The following GRIA3 variants were observed in gnomAD, a reference collection of about 807,000 sequenced individuals.
GRIA3 encodes glutamate receptor 3.
In GRIA3, 3 loss-of-function variants were observed where a neutral mutation model predicts 63.0. The observed-to-expected ratio is 0.05, with a 90% confidence interval of 0.02 to 0.12. The LOEUF (loss-of-function observed/expected upper bound fraction) is 0.12. GRIA3 is among the 10% of genes least tolerant of loss of function. The pLI is 1.00. For synonymous variants in GRIA3, 274 were observed against 257.9 expected, an observed-to-expected ratio of 1.06 and a Z score of -0.60; for missense variants, 347 against 700.9, an observed-to-expected ratio of 0.50 and a Z score of 5.70.
intron 5 of GRIA3, among the ~76,000 whole-genome samples, chrX:123,374,552 T>A (rs1196648612): frequency 1.8e-5 from 2 of 112,063 alleles, no homozygotes; most frequent in Non-Finnish European, 3.8e-5. Context: ...TTTGTAGTTC[T>A]CCTTGAAGAG....
intron 13 of GRIA3, among the ~76,000 whole-genome samples, chrX:123,468,963 G>A (rs1315148570): frequency 8.9e-6 from 1 of 112,425 alleles, no homozygotes; most frequent in East Asian, 2.8e-4. Flanking sequence ...CCTATCCAAT[G>A]AGCAATGTGA....
Position 123,207,305 on chromosome X carries a change from G to T in GRIA3, c.268+21315G>T, listed in dbSNP as rs192974604. 2.7e-5 allele frequency among the ~76,000 whole-genome samples: 3 copies of T among 111,700 alleles called. No individual in the cohort carries two copies. In the East Asian group the frequency reaches 8.4e-4, roughly 31 times the overall value. On this transcript the variant is annotated intron_variant, in intron 2 of 15. Transcript: ENST00000620443. ...ATTGAGAATAATGAGTTAACATAGT[G>T]CTTCTTACATACCAGGCATCCTTCT...
Position 123,215,161 on chromosome X carries a change from G to A in GRIA3, c.268+29171G>A, listed in dbSNP as rs142826842. 1.2e-3 allele frequency among the ~76,000 whole-genome samples: 133 copies of A among 111,877 alleles called. 2 individuals are homozygous for A. In the East Asian group the frequency reaches 0.03, roughly 25 times the overall value. ...GAGATTCTTGCCCATACATAACTGG[G>A]ATCCAAGAACAATGCACAGAACAAG... is the stretch of plus-strand genomic sequence containing the variant. On this transcript the variant is annotated intron_variant, in intron 2 of 15. Coordinates refer to ENST00000620443, the MANE Select transcript of GRIA3 (RefSeq NM_007325.5).
intron 1 of GRIA3, among the ~76,000 whole-genome samples, chrX:123,185,266 G>A (rs1020615174): frequency 3.6e-5 from 4 of 111,622 alleles, no homozygotes; most frequent in African/African-American, 1.3e-4. Context: ...ATGAATTGCC[G>A]CTGTGTCTGT....
At chrX:123,447,789 T>C (rs933686940) in intron 12 of GRIA3, among the ~76,000 whole-genome samples, 1 of 112,321 alleles carries the variant, frequency 8.9e-6, no homozygotes, top group African/African-American at 3.2e-5. Context: ...TTAAAAAGCG[T>C]TGGTTCCATG....
chrX:123,271,979 T>A (rs1440353129), intron 3 of GRIA3, among the ~76,000 whole-genome samples: 1 of 111,431 alleles, frequency 9.0e-6, no homozygotes, highest in Non-Finnish European at 1.9e-5. Flanking sequence ...CAATTCCACA[T>A]ACAGGCAGAG....
intron 3 of GRIA3, among the ~76,000 whole-genome samples, chrX:123,310,818 T>C (rs2044785623): frequency 9.0e-6 from 1 of 111,367 alleles, no homozygotes; most frequent in Non-Finnish European, 1.9e-5. Context: ...GTCTGGCCAA[T>C]ATGGCGAAAG....
chrX:123,225,590 A>G (rs768328045), intron 2 of GRIA3, among the ~76,000 whole-genome samples: 5 of 111,636 alleles, frequency 4.5e-5, no homozygotes. Context: ...CCCAGGAACT[A>G]CATGTTTTGA....
At chrX:123,336,615 ATATTTAGAAATATATAT>A (rs1377439859) in intron 4 of GRIA3, among the ~76,000 whole-genome samples, 1 of 111,223 alleles carries the variant, frequency 9.0e-6, no homozygotes, top group Admixed American at 9.6e-5. Context: ...TTACATATAT[ATATTTAGAAATATATAT>A]TATATGTAGC....
intron 4 of GRIA3, among the ~76,000 whole-genome samples, chrX:123,352,489 A>G (rs2045102978): frequency 8.9e-6 from 1 of 112,092 alleles, no homozygotes; most frequent in African/African-American, 3.2e-5. Context: ...CCCACAAACA[A>G]ACAATTAGTA....
At chrX:123,408,833 C>A (rs917241755) in intron 10 of GRIA3, among the ~76,000 whole-genome samples, 1 of 112,175 alleles carries the variant, frequency 8.9e-6, no homozygotes, top group African/African-American at 3.2e-5. Flanking sequence ...GAGAAGACTG[C>A]CAAATTCCAT....
chrX:123,202,795 A>C, intron 2 of GRIA3: 1 of 1,158,529 alleles, frequency 8.6e-7, no homozygotes, highest in Non-Finnish European at 1.2e-6. Flanking sequence ...AAGTGCCCAT[A>C]GTTTGAAATC....
intron 3 of GRIA3, among the ~76,000 whole-genome samples, chrX:123,289,774 C>G (rs1045853132): frequency 9.1e-6 from 1 of 110,419 alleles, no homozygotes; most frequent in Non-Finnish European, 1.9e-5. Flanking sequence ...CCCTCCACCC[C>G]CCCAACCAAG....
chrX:123,310,764 A>G (rs980668767), intron 3 of GRIA3, among the ~76,000 whole-genome samples: 61 of 112,465 alleles, frequency 5.4e-4, no homozygotes, highest in African/African-American at 1.7e-3. Flanking sequence ...ACACTTTGGG[A>G]GGCCAAGGCG....
chrX:123,189,841 A>G (rs777110577), intron 2 of GRIA3, among the ~76,000 whole-genome samples: 4 of 111,398 alleles, frequency 3.6e-5, no homozygotes, highest in African/African-American at 1.3e-4. Flanking sequence ...AACCCATCAG[A>G]TGCAAAATTT....
intron 3 of GRIA3, among the ~76,000 whole-genome samples, chrX:123,304,397 T>A (rs1175278905): frequency 8.9e-6 from 1 of 111,790 alleles, no homozygotes; most frequent in Non-Finnish European, 1.9e-5. Context: ...ATATCTAAGG[T>A]CCCTTTCACT....
chrX:123,439,012 T>C (rs762063791), intron 12 of GRIA3, among the ~76,000 whole-genome samples: 2 of 111,894 alleles, frequency 1.8e-5, no homozygotes, highest in Non-Finnish European at 3.8e-5. Context: ...TGAATGAAGT[T>C]GAGGAGGAGG....
chrX:123,300,359 GCTTTTTTTTTTTTTTTTTTT>G (rs2044714385), intron 3 of GRIA3, among the ~76,000 whole-genome samples: 1 of 71,948 alleles, frequency 1.4e-5, no homozygotes, highest in Admixed American at 1.8e-4. Flanking sequence ...CTGGTCCTGG[GCTTTTTTTTTTTTTTTTTTT>G]TTTTTTTTGG....
At chrX:123,441,488 T>G (rs1484569787) in intron 12 of GRIA3, among the ~76,000 whole-genome samples, 1 of 111,549 alleles carries the variant, frequency 9.0e-6, no homozygotes, top group Non-Finnish European at 1.9e-5. Context: ...TTTTAAAACT[T>G]ACATTTTGCA....
Sources: gnomAD v4.1 joint callset for allele counts (sites outside exome capture counted in the v4.1 genomes callset) on GRCh38, gnomAD v4.1.1 for gene constraint, MANE v1.5 for transcripts, NCBI Gene and HGNC (gene_info 2026-07-23, HGNC 2026-07-21) for gene names.